The following PCNT variants were observed in gnomAD, a reference collection of about 807,000 sequenced individuals.
The protein encoded by PCNT is pericentrin, also known as kendrin.
In PCNT, 319 loss-of-function variants were observed where a neutral mutation model predicts 380.4. The ratio of observed to expected loss-of-function variants is 0.84; its 90% CI spans 0.77 to 0.92. The LOEUF is 0.92. PCNT is among the 40% of genes least tolerant of loss of function. The pLI, the probability that PCNT is intolerant of heterozygous loss-of-function variation, is 0.00. For missense variants in PCNT, 4,400 were observed against 4,255.3 expected, an observed-to-expected ratio of 1.03 and a Z score of -0.95; for synonymous variants, 1,845 against 1,735.2, an observed-to-expected ratio of 1.06 and a Z score of -1.57.
intron 11 of PCNT, 50 bp downstream of exon 11, chr21:46,354,118 C>T: frequency 6.8e-7 from 1 of 1,478,150 alleles, no homozygotes; most frequent in Non-Finnish European, 9.5e-7. Flanking sequence ...TCTTGACCTT[C>T]CAGCCCTGCG....
rs369637405 is a variant in PCNT, at chr21:46,411,569, G to A, written c.5496G>A (p.Glu1832=). The change falls in exon 28 of 47, where the codon GAG becomes GAA. Residue 1832 remains glutamate, a synonymous_variant. Coordinates refer to ENST00000359568, the MANE Select transcript of PCNT (RefSeq NM_006031.6). The part of the protein sequence containing the change: ...QRLQGAEEAA[E]LQLAELERNV... ...TCCAGGGCGCAGAGGAGGCTGCGGAGCTACAGCTGGCTGAGCTGGAGCGCA... is the reference window on the plus strand; with the variant it reads ...TCCAGGGCGCAGAGGAGGCTGCGGAACTACAGCTGGCTGAGCTGGAGCGCA... 1.2e-6 allele frequency: 2 copies of A among 1,612,748 alleles called. No individual in the cohort carries two copies. Among genetic ancestry groups the A allele is most frequent in the East Asian group, 2.2e-5 (1 of 44,870 alleles).
In PCNT at chr21:46,346,955, A is replaced by T. The variant is rs781032420; in HGVS notation, c.933A>T (p.Ala311=). The T allele has an allele frequency of 1.9e-6, 3 of 1,597,208 alleles. No homozygotes were observed. In the South Asian group the frequency reaches 3.4e-5, roughly 18 times the overall value. The change falls in exon 5 of 47, where the codon GCA becomes GCT. Residue 311 remains alanine, a synonymous_variant. Transcript: ENST00000359568. ...TGGAGCTCCTCAGGGAGCAGCACGC[A>T]CGGGAGAAGGAGGAGGTGGTGCTCA... ...HELELLREQH[A]REKEEVVLRC... is the part of the protein sequence containing the mutation.
At chr21:46,359,262 T>C (rs1452368411) in intron 13 of PCNT, among the ~76,000 whole-genome samples, 2 of 130,620 alleles carry the variant, frequency 1.5e-5, no homozygotes, top group African/African-American at 5.6e-5. Context: ...TCCAGGTGAC[T>C]TTTTGATGCT....
intron 43 of PCNT, among the ~76,000 whole-genome samples, chr21:46,442,296 C>T (rs543126489): frequency 3.8e-4 from 58 of 152,152 alleles, no homozygotes; most frequent in Middle Eastern, 3.4e-3. Flanking sequence ...AGGTCGCCGC[C>T]GCCGGCAGCC....
intron 39 of PCNT, among the ~76,000 whole-genome samples, chr21:46,436,368 C>T (rs1386201917): frequency 3.3e-5 from 5 of 151,672 alleles, no homozygotes; most frequent in African/African-American, 1.2e-4. Flanking sequence ...TCAAAATACG[C>T]CTGACGTGGG....
At chr21:46,331,674 G>A (rs1308262235) in intron 2 of PCNT, among the ~76,000 whole-genome samples, 1 of 152,110 alleles carries the variant, frequency 6.6e-6, no homozygotes, top group African/African-American at 2.4e-5. Context: ...GCTGAGTTGG[G>A]AGGATCACCT....
At position 46,411,990 on chromosome 21, in the gene PCNT, G is replaced by T; in HGVS notation, c.5917G>T (p.Gly1973Cys). Residue 1973 changes from glycine to cysteine, a missense_variant, in exon 28 of 47, where the codon GGC becomes TGC. By Grantham distance (159) the Gly-to-Cys change is radical. Transcript: ENST00000359568. Reference sequence around the variant, plus strand: ...CCACCCACAGCCTCGCATGGATGGTGGCGCCAAGGCCCAGGTCACCGGCGA... The same window carrying T: ...CCACCCACAGCCTCGCATGGATGGTTGCGCCAAGGCCCAGGTCACCGGCGA... The part of the protein sequence containing the change: ...GAHPQPRMDG[G>C]AKAQVTGDVE... 6.2e-7 allele frequency: 1 copy of T among 1,604,992 alleles called. No homozygotes were observed.
At chr21:46,427,596 G>A (rs762378010) in intron 33 of PCNT, 26 bp from the exon 34 acceptor site, 3 of 1,613,666 alleles carry the variant, frequency 1.9e-6, no homozygotes, top group East Asian at 2.2e-5. Context: ...TTGTGAGGAC[G>A]CCACGTTTCT....
At chr21:46,429,904 G>A (rs528733178) in intron 35 of PCNT, 106 bp from the exon 36 acceptor site, 32 of 844,936 alleles carry the variant, frequency 3.8e-5, no homozygotes, top group East Asian at 5.3e-5. Flanking sequence ...CTTTCTTCCC[G>A]AAGCACATAC....
At chr21:46,375,146 C>T (rs1341323868) in intron 15 of PCNT, among the ~76,000 whole-genome samples, 1 of 152,248 alleles carries the variant, frequency 6.6e-6, no homozygotes, top group East Asian at 1.9e-4. Context: ...GTATGTATCC[C>T]ATAAGATTCC....
intron 26 of PCNT, 122 bp from the exon 27 acceptor site, chr21:46,402,209 A>G: frequency 1.5e-6 from 1 of 660,188 alleles, no homozygotes; most frequent in South Asian, 2.1e-5. Flanking sequence ...GGTACAGGGT[A>G]GTAATTGCTT....
Position 46,356,913 on chromosome 21 carries a change from T to G in PCNT, c.1937-61T>G, listed in dbSNP as rs1004579674. 3.5e-6 allele frequency: 5 copies of G among 1,442,718 alleles called. No individual in the cohort carries two copies. The South Asian group carries it at 5.7e-5, about 16-fold the overall frequency. 89.4% of individuals were successfully genotyped at this position (1,442,718 alleles called of 1,614,324 possible). On this transcript the variant is annotated intron_variant, in intron 12 of 46. Coordinates refer to ENST00000359568, the MANE Select transcript of PCNT (RefSeq NM_006031.6). ...AGGTTGCCGTTCTGCCTGTGCGGAC[T>G]GTGGGCTCCATCGAGGGCCGGCACC... is the stretch of plus-strand genomic sequence containing the variant.
At position 46,388,902 on chromosome 21, in the gene PCNT, A is replaced by G. The variant is rs1402245704; in HGVS notation, c.3607+18A>G. The stretch of plus-strand genomic sequence containing the variant: ...GTCGACAGGTGAGTGTGCCGGGACC[A>G]GCTGCCCAGCCCTGTGCTTGCAGCC... On this transcript the variant is annotated intron_variant, in intron 18 of 46. Transcript: ENST00000359568. The surrounding 1 kb of genome is among the most constrained non-coding windows in gnomAD (Gnocchi z 4.2). The G allele has an allele frequency of 6.3e-7, 1 of 1,582,440 alleles. No individual in the cohort carries two copies. Among genetic ancestry groups the G allele is most frequent in the Non-Finnish European group, 8.5e-7 (1 of 1,170,394 alleles).
In PCNT at chr21:46,346,938, C is replaced by T. The variant is rs2084090974; in HGVS notation, c.916C>T (p.Leu306Phe). 6.3e-7 allele frequency: 1 copy of T among 1,598,758 alleles called. No homozygotes were observed. Among genetic ancestry groups the T allele is most frequent in the African/African-American group, 1.3e-5 (1 of 74,850 alleles). ...CAGGCAGCAGCACGAGCTGGAGCTC[C>T]TCAGGGAGCAGCACGCACGGGAGAA... The part of the protein sequence containing the change: ...QSRQQHELEL[L>F]REQHAREKEE... Residue 306 changes from leucine to phenylalanine, a missense_variant, in exon 5 of 47, where the codon CTC becomes TTC. Transcript: ENST00000359568.
chr21:46,444,879 G>A (rs1022854199), intron 46 of PCNT, 58 bp downstream of exon 46: 14 of 1,533,024 alleles, frequency 9.1e-6, no homozygotes, highest in East Asian at 6.7e-5. Flanking sequence ...CCCTGGAAAC[G>A]TAGGGTCTGT....
chr21:46,357,206 C>T lies in PCNT; in HGVS notation c.2154+15C>T, dbSNP rs1302261602. ...ATTTGGAGAAGGTGAGTCGTGACTC[C>T]ACAGCCCAGCGCCTCCCGCCCGAGT... On this transcript the variant is annotated intron_variant, in intron 13 of 46. Transcript: ENST00000359568. The T allele has an allele frequency of 5.1e-6, 8 of 1,556,812 alleles. No individual in the cohort carries two copies. The highest frequency in any genetic ancestry group is 2.2e-5 in the East Asian group (1 of 44,622).
At chr21:46,416,010 A>G in intron 29 of PCNT, 59 bp from the exon 30 acceptor site, 2 of 1,558,526 alleles carry the variant, frequency 1.3e-6, no homozygotes, top group Non-Finnish European at 1.8e-6. Flanking sequence ...AACACCAGAC[A>G]GGTGCGACTC....
intron 35 of PCNT, 114 bp downstream of exon 35, chr21:46,428,704 C>A: frequency 2.1e-6 from 2 of 947,462 alleles, no homozygotes; most frequent in Non-Finnish European, 3.2e-6. Context: ...CTAGTCAAGC[C>A]CCTGAGTGTT....
intron 22 of PCNT, 59 bp downstream of exon 22, chr21:46,397,553 A>G: frequency 7.2e-7 from 1 of 1,384,634 alleles, no homozygotes; most frequent in Non-Finnish European, 1.0e-6. Flanking sequence ...TACAGCATGA[A>G]CTTCTTTCCA....
Sources: allele counts gnomAD v4.1 joint callset (sites outside exome capture counted in the v4.1 genomes callset), GRCh38; gene constraint gnomAD v4.1.1; non-coding constraint Gnocchi (gnomAD v3.1); transcripts MANE v1.5; gene names NCBI Gene and HGNC (gene_info 2026-07-23, HGNC 2026-07-21).